The following HMGN5 variants were observed in gnomAD, a reference collection of about 807,000 sequenced individuals.
The protein encoded by HMGN5 is high mobility group nucleosome-binding domain-containing protein 5.
A neutral mutation model predicts 9.5 loss-of-function variants in HMGN5; 4 were observed. The observed-to-expected ratio is 0.42, with a 90% CI of 0.21 to 0.96. The LOEUF is 0.96. HMGN5 is among the 40% of genes least tolerant of loss of function. The pLI is 0.30. For missense variants in HMGN5, 192 were observed against 187.5 expected (o/e 1.02, Z -0.14); for synonymous variants, 55 against 57.1 (o/e 0.96, Z 0.16).
At chrX:81,146,902 A>G (rs1403697780) in intron 1 of HMGN5, among the ~76,000 whole-genome samples, 1 of 112,065 alleles carries the variant, frequency 8.9e-6, no homozygotes, top group Non-Finnish European at 1.9e-5. Flanking sequence ...ATCTAGAAGA[A>G]ATGGATAAGT....
intron 1 of HMGN5, among the ~76,000 whole-genome samples, chrX:81,149,761 C>T (rs1014681991): frequency 5.4e-5 from 6 of 111,990 alleles, no homozygotes; most frequent in African/African-American, 1.9e-4. Context: ...AGTAGCTATA[C>T]TTACATCAGA....
At chrX:81,186,941 A>C (rs1298477822) in intron 1 of HMGN5, among the ~76,000 whole-genome samples, 1 of 111,227 alleles carries the variant, frequency 9.0e-6, no homozygotes, top group African/African-American at 3.3e-5. Flanking sequence ...TCCCTTCCTA[A>C]TTTCTTTACT....
At chrX:81,151,439 T>G (rs2075362086) in intron 1 of HMGN5, among the ~76,000 whole-genome samples, 1 of 111,139 alleles carries the variant, frequency 9.0e-6, no homozygotes, top group Admixed American at 9.6e-5. Flanking sequence ...AGGCTCTTTT[T>G]TGGTTCCATA....
chrX:81,168,687 C>T (rs1463096838), intron 1 of HMGN5, among the ~76,000 whole-genome samples: 2 of 111,680 alleles, frequency 1.8e-5, no homozygotes, highest in Non-Finnish European at 3.8e-5. Context: ...ACACTTACAT[C>T]CTATATAGTG....
chrX:81,198,962 T>C (rs2075517060), intron 1 of HMGN5, among the ~76,000 whole-genome samples: 1 of 111,880 alleles, frequency 8.9e-6, no homozygotes, highest in Admixed American at 9.5e-5. Context: ...ATGACATGAT[T>C]GTATACTTAG....
chrX:81,181,624 C>A (rs1473372587), intron 1 of HMGN5, among the ~76,000 whole-genome samples: 2 of 111,838 alleles, frequency 1.8e-5, no homozygotes, highest in Admixed American at 1.9e-4. Flanking sequence ...ATCTGGTAAC[C>A]ATCATTCTAG....
intron 6 of HMGN5, 117 bp from the exon 7 acceptor site, chrX:81,115,347 A>G: frequency 1.2e-6 from 1 of 836,442 alleles, no homozygotes; most frequent in Non-Finnish European, 1.5e-6. Context: ...TCATTTAAAG[A>G]AAGTAATTTT....
chrX:81,160,909 A>G (rs1481063116), intron 1 of HMGN5, among the ~76,000 whole-genome samples: 1 of 111,570 alleles, frequency 9.0e-6, no homozygotes, highest in Non-Finnish European at 1.9e-5. Context: ...TGTCTTTCAC[A>G]GAGGACCTCA....
At chrX:81,151,053 C>T (rs1371683944) in intron 1 of HMGN5, among the ~76,000 whole-genome samples, 1 of 111,773 alleles carries the variant, frequency 8.9e-6, no homozygotes, top group Admixed American at 9.5e-5. Context: ...TAACACCAAT[C>T]CTATTCAAAC....
chrX:81,144,414 G>T (rs1444463256), intron 1 of HMGN5, among the ~76,000 whole-genome samples: 1 of 111,530 alleles, frequency 9.0e-6, no homozygotes, highest in Non-Finnish European at 1.9e-5. Context: ...GAGTCGGACT[G>T]TTAGAAGGAA....
intron 1 of HMGN5, among the ~76,000 whole-genome samples, chrX:81,188,022 A>G (rs955917740): frequency 9.0e-6 from 1 of 110,607 alleles, no homozygotes; most frequent in Non-Finnish European, 1.9e-5. Flanking sequence ...TATTAACTTC[A>G]TTCCTTTTTT....
intron 1 of HMGN5, among the ~76,000 whole-genome samples, chrX:81,142,553 G>A (rs192336622): frequency 9.0e-6 from 1 of 111,578 alleles, no homozygotes; most frequent in African/African-American, 3.3e-5. Flanking sequence ...TGACATGCCA[G>A]GAGAGATTGA....
Position 81,132,640 on chromosome X carries a change from G to C in HMGN5, c.-123-10968C>G, listed in dbSNP as rs770613178. 2.7e-5 allele frequency among the ~76,000 whole-genome samples: 3 copies of C among 111,301 alleles called. No homozygotes were observed. In the Admixed American group the frequency reaches 2.9e-4, roughly 11 times the overall value. On this transcript the variant is annotated intron_variant, in intron 1 of 6. Transcript: ENST00000358130. The stretch of plus-strand genomic sequence containing the variant: ...AATGGTGCTGGGATAACTTGCTAGC[G>C]ATACTCAGAAGACTGAAACTGGACC...
At chrX:81,187,142 T>C (rs1345485217) in intron 1 of HMGN5, among the ~76,000 whole-genome samples, 1 of 112,028 alleles carries the variant, frequency 8.9e-6, no homozygotes, top group African/African-American at 3.2e-5. Context: ...TTGAGAATGA[T>C]CCATGTGCTG....
intron 1 of HMGN5, among the ~76,000 whole-genome samples, chrX:81,165,225 C>A (rs1446665735): frequency 9.0e-6 from 1 of 111,071 alleles, no homozygotes; most frequent in Non-Finnish European, 1.9e-5. Context: ...ATGATGCCTA[C>A]ATTTCTGTTT....
At chrX:81,134,858 A>T (rs769736517) in intron 1 of HMGN5, among the ~76,000 whole-genome samples, 1 of 111,551 alleles carries the variant, frequency 9.0e-6, no homozygotes, top group South Asian at 3.7e-4. Context: ...TTCAAAGAGA[A>T]TTCCATAGAG....
intron 1 of HMGN5, among the ~76,000 whole-genome samples, chrX:81,183,981 T>C (rs760762861): frequency 5.4e-5 from 6 of 111,889 alleles, no homozygotes; most frequent in East Asian, 2.8e-4. Flanking sequence ...ATTTGGACTT[T>C]TGAGTTAATG....
chrX:81,191,923 C>T (rs981999935), intron 1 of HMGN5, among the ~76,000 whole-genome samples: 4 of 111,245 alleles, frequency 3.6e-5, no homozygotes, highest in East Asian at 2.8e-4. Flanking sequence ...TAGGGGGTAC[C>T]GTCTAGCCAT....
chrX:81,177,367 C>CAAAAAAAAAAAAAAAAAAAAAAAAAAAA (rs148090852), intron 1 of HMGN5, among the ~76,000 whole-genome samples: 1 of 10,664 alleles, frequency 9.4e-5, no homozygotes, highest in African/African-American at 2.9e-4. Flanking sequence ...AAATGGAAAG[C>CAAAAAAAAAAAAAAAAAAAAAAAAAAAA]AAAAAAAAAA....
Sources: gnomAD v4.1 joint callset for allele counts (sites outside exome capture counted in the v4.1 genomes callset) on GRCh38, gnomAD v4.1.1 for gene constraint, MANE v1.5 for transcripts, NCBI Gene and HGNC (gene_info 2026-07-23, HGNC 2026-07-21) for gene names.